UNC80: variants seen among roughly 807,000 people sequenced by gnomAD.
UNC80 encodes the protein protein unc-80 homolog.
Under a neutral mutation model 384.6 loss-of-function variants are expected in UNC80, and 164 were observed. The observed-to-expected ratio is 0.43, with a 90% CI of 0.38 to 0.49. The LOEUF (loss-of-function observed/expected upper bound fraction) is 0.49. UNC80 is among the 20% of genes least tolerant of loss of function. The pLI, the probability that UNC80 is intolerant of heterozygous loss-of-function variation, is 0.00. For synonymous variants in UNC80, 1,486 were observed against 1,527.8 expected (o/e 0.97, Z 0.64); for missense variants, 3,330 against 4,143.0 (o/e 0.80, Z 5.39).
At chr2:209,825,752 G>A (rs1460588444) in intron 13 of UNC80, among the ~76,000 whole-genome samples, 155 bp from the exon 14 acceptor site, 3 of 152,116 alleles carry the variant, frequency 2.0e-5, no homozygotes, top group African/African-American at 4.8e-5. Context: ...AAAACTGAGC[G>A]TGTTTGTTGA....
chr2:209,897,322 A>C lies in UNC80; in HGVS notation c.4581+909A>C, dbSNP rs570277489. 1.9e-3 allele frequency among the ~76,000 whole-genome samples: 285 copies of C among 152,336 alleles called. 4 individuals carry two copies. The highest frequency in any genetic ancestry group is 5.8e-4 in the East Asian group (3 of 5,188). On this transcript the variant is annotated intron_variant, in intron 28 of 64. Transcript: ENST00000673920. ...TATCAACACCTAAGAAATCCTACGC[A>C]GGTCCTCTACCAGACGCTACTCTTC...
chr2:209,811,400 G>T (rs1490660207), intron 7 of UNC80, among the ~76,000 whole-genome samples: 1 of 152,176 alleles, frequency 6.6e-6, no homozygotes, highest in Non-Finnish European at 1.5e-5. Flanking sequence ...TTGAGCCAGG[G>T]AGTGGAGGAA....
At chr2:209,918,698 C>A (rs200352795) in intron 33 of UNC80, 35 bp downstream of exon 33, 1 of 1,487,590 alleles carries the variant, frequency 6.7e-7, no homozygotes, top group Non-Finnish European at 9.0e-7. Context: ...CCATGGTGTA[C>A]GTGTAAAAGA....
In UNC80 at chr2:209,815,247, C is replaced by G. The variant is rs1237127801; in HGVS notation, c.1201-10C>G. On this transcript the variant is annotated splice_polypyrimidine_tract_variant and intron_variant, in intron 8 of 64. Coordinates refer to ENST00000673920, the MANE Select transcript of UNC80 (RefSeq NM_001371986.1). The stretch of plus-strand genomic sequence containing the variant: ...TCCTAAGTCCTTGATCACTGTCTAC[C>G]TTTATTAAGGATCTCACCATGAAGT... The G allele has an allele frequency of 2.6e-6, 4 of 1,550,858 alleles. No homozygotes were observed. Among genetic ancestry groups the G allele is most frequent in the Non-Finnish European group, 3.5e-6 (4 of 1,146,700 alleles).
chr2:209,829,157 T>C (rs1395201276), intron 14 of UNC80, 75 bp from the exon 15 acceptor site: 1 of 1,513,392 alleles, frequency 6.6e-7, no homozygotes, highest in Non-Finnish European at 8.9e-7. Context: ...TTCTGAAGGC[T>C]TCTGTCTCAG....
At chr2:209,824,271 C>G (rs1430847712) in intron 13 of UNC80, among the ~76,000 whole-genome samples, 3 of 152,032 alleles carry the variant, frequency 2.0e-5, no homozygotes, top group Non-Finnish European at 4.4e-5. Context: ...AAGTAGGGGT[C>G]CCTGGAAACA....
intron 48 of UNC80, among the ~76,000 whole-genome samples, chr2:209,955,188 G>T (rs1231519518): frequency 6.6e-6 from 1 of 152,056 alleles, no homozygotes; most frequent in African/African-American, 2.4e-5. Flanking sequence ...TAAAGTGCCA[G>T]ATCCTTAGTG....
chr2:209,967,324 C>T (rs2092766721), intron 51 of UNC80, 113 bp from the exon 52 acceptor site: 1 of 656,524 alleles, frequency 1.5e-6, no homozygotes, highest in Non-Finnish European at 2.3e-6. Context: ...GTTCTTAGTT[C>T]AGGGAGTTGG....
Position 209,917,976 on chromosome 2 carries a change from C to T in UNC80, c.5211+18C>T, listed in dbSNP as rs1382656871. On this transcript the variant is annotated intron_variant, in intron 32 of 64. Coordinates refer to ENST00000673920, the MANE Select transcript of UNC80 (RefSeq NM_001371986.1). ...TTTTTAAGGTGAGGGATACTTCTCA[C>T]AGAGGAGTTACATTAGCAAACCCAA... 13 of 1,550,230 alleles carry T rather than the reference C, an allele frequency of 8.4e-6. No homozygotes were observed. In the Admixed American group the frequency reaches 2.0e-4, roughly 23 times the overall value.
At chr2:209,993,909 C>A (rs1490032728) in intron 63 of UNC80, among the ~76,000 whole-genome samples, 156 bp from the exon 64 acceptor site, 1 of 152,090 alleles carries the variant, frequency 6.6e-6, no homozygotes, top group Non-Finnish European at 1.5e-5. Context: ...ATCAAACATG[C>A]GCAAAATGTT....
chr2:209,809,617 C>T (rs565325484), intron 7 of UNC80: 8 of 651,376 alleles, frequency 1.2e-5, no homozygotes, highest in Middle Eastern at 2.6e-4. Context: ...TACCAGACAC[C>T]CTGCCCCCGC....
chr2:209,779,577 G>T (rs1272002793), intron 4 of UNC80, among the ~76,000 whole-genome samples: 1 of 152,154 alleles, frequency 6.6e-6, no homozygotes, highest in Non-Finnish European at 1.5e-5. Context: ...AGGTCCTTGA[G>T]TGAAGGGAGT....
intron 28 of UNC80, among the ~76,000 whole-genome samples, chr2:209,903,473 T>C (rs1207750197): frequency 8.9e-6 from 1 of 112,684 alleles, no homozygotes; most frequent in East Asian, 2.1e-4. Flanking sequence ...ATTATATATA[T>C]AGTATATATG....
intron 23 of UNC80, among the ~76,000 whole-genome samples, chr2:209,874,395 G>A (rs2084587115): frequency 6.6e-6 from 1 of 152,156 alleles, no homozygotes; most frequent in South Asian, 2.1e-4. Flanking sequence ...GCTTCCTACA[G>A]GAGAGGAAAA....
At position 209,945,145 on chromosome 2, in the gene UNC80, A is replaced by C. The variant is rs2091852231; in HGVS notation, c.7145A>C (p.Asp2382Ala). ...GAGGGAGAGACCACCGACATATTAG[A>C]CATCTTAGAGCTGGTCAAAGCTGAG... Reference protein sequence around the residue: ...SLEGETTDILDILELVKAEKP... With the variant: ...SLEGETTDILAILELVKAEKP... Residue 2382 changes from aspartate (D) to alanine (A), a missense_variant, in exon 46 of 65, where the codon GAC becomes GCC. Transcript: ENST00000673920. 6.4e-7 allele frequency: 1 copy of C among 1,551,582 alleles called. No homozygotes were observed. The highest frequency in any genetic ancestry group is 8.7e-7 in the Non-Finnish European group (1 of 1,146,896).
rs1050192664 is a variant in UNC80 at position 209,834,007 on chromosome 2, G to A, written c.2781G>A (p.Leu927=). 1.3e-6 allele frequency: 2 copies of A among 1,551,506 alleles called. No individual in the cohort carries two copies. The highest frequency in any genetic ancestry group is 1.7e-6 in the Non-Finnish European group (2 of 1,146,944). Residue 927 remains leucine, a synonymous_variant, in exon 17 of 65, where the codon CTG becomes CTA. Transcript: ENST00000673920. ...HELHSPENLG[L]YCDIRQLVQF... ...TCCTTCTTGCCTCCAAACAGGGACT[G>A]TATTGTGACATTCGTCAGCTGGTCC... is the stretch of plus-strand genomic sequence containing the variant.
In UNC80 at chr2:209,872,735, C is replaced by G. The variant is rs778618601; in HGVS notation, c.3628-23C>G. ...TATTGTTCATTAATCCCACATTATT[C>G]TTTCCTAAACAACCCTACACAGGAA... On this transcript the variant is annotated intron_variant, in intron 22 of 64. Transcript: ENST00000673920. This position sits in a 1 kb window ranked among gnomAD's most constrained non-coding sequence, Gnocchi z 4.1. 1.3e-6 allele frequency: 2 copies of G among 1,543,030 alleles called. No homozygotes were observed. The highest frequency in any genetic ancestry group is 2.0e-5 in the Admixed American group (1 of 50,952).
In UNC80 at chr2:209,903,322, G is replaced by A. The variant is rs12986888; in HGVS notation, c.4582-1443G>A. ...ATACAATATATATATTATATTATATGTGTGTGTGTGTGTGTGTGTGTGTGT... is the reference window on the plus strand; with the variant it reads ...ATACAATATATATATTATATTATATATGTGTGTGTGTGTGTGTGTGTGTGT... On this transcript the variant is annotated intron_variant, in intron 28 of 64. Transcript: ENST00000673920. Among the ~76,000 whole-genome samples the A allele has an allele frequency of 7.1e-3, 720 of 101,122 alleles. 52 individuals are homozygous for A. In the South Asian group the frequency reaches 0.17, roughly 24 times the overall value. The allele number at this position is 101,122 out of a possible 152,430, so 66.3% of individuals were successfully genotyped here.
chr2:209,798,345 T>C (rs892614233), intron 7 of UNC80, among the ~76,000 whole-genome samples: 1 of 152,246 alleles, frequency 6.6e-6, no homozygotes, highest in Non-Finnish European at 1.5e-5. Flanking sequence ...GTATAAGGTA[T>C]AAGAAAGGAG....
Sources: allele counts gnomAD v4.1 joint callset (sites outside exome capture counted in the v4.1 genomes callset), GRCh38; gene constraint gnomAD v4.1.1; non-coding constraint Gnocchi (gnomAD v3.1); transcripts MANE v1.5; gene names NCBI Gene and HGNC (gene_info 2026-07-23, HGNC 2026-07-21).